The following NPHP3 variants were observed in gnomAD, a reference collection of about 807,000 sequenced individuals.
The protein encoded by NPHP3 is nephrocystin-3.
Under a neutral mutation model 171.9 loss-of-function variants are expected in NPHP3, and 123 were observed. That is an observed-to-expected ratio of 0.72 (90% CI 0.62 to 0.83). The LOEUF is 0.83. Ranked by LOEUF, NPHP3 falls within the 40% of genes least tolerant of loss-of-function variation. The probability of loss-of-function intolerance (pLI) is 0.00; values close to 1 mark genes in which losing one functional copy is unlikely to be tolerated. For missense variants in NPHP3, 1,506 were observed against 1,591.9 expected (o/e 0.95, Z 0.92); for synonymous variants, 558 against 579.2 (o/e 0.96, Z 0.52).
At chr3:132,702,393 T>C (rs186830226) in intron 9 of NPHP3, among the ~76,000 whole-genome samples, 4 of 152,362 alleles carry the variant, frequency 2.6e-5, no homozygotes, top group Admixed American at 6.5e-5. Flanking sequence ...TGAGATCTTT[T>C]TGAAACTAAG....
chr3:132,719,395 T>C (rs1940141927), intron 2 of NPHP3, among the ~76,000 whole-genome samples: 1 of 152,170 alleles, frequency 6.6e-6, no homozygotes, highest in South Asian at 2.1e-4. Context: ...GAAATTTGTC[T>C]CTCTCCCACT....
chr3:132,689,194 TTC>T lies in NPHP3; in HGVS notation c.2761_2762del (p.Glu921IlefsTer9). 1 of 1,614,190 alleles carries T rather than the reference TTC, an allele frequency of 6.2e-7. No homozygotes were observed. Among genetic ancestry groups the T allele is most frequent in the Non-Finnish European group, 8.5e-7 (1 of 1,180,006 alleles). ...CATACTGCTTCAATGAATCGAAGTA[TTC>T]TGTTGCCATTGCACTTTTGTCTTTG... ...VGKDKSAMAT[E>X]YFDSLKQYEK... On this transcript the variant is annotated frameshift_variant, in exon 20 of 27. Coordinates refer to ENST00000337331, the MANE Select transcript of NPHP3 (RefSeq NM_153240.5). LOFTEE classifies it high-confidence loss of function.
At chr3:132,694,555 G>A (rs1372433668) in intron 16 of NPHP3, among the ~76,000 whole-genome samples, 3 of 151,952 alleles carry the variant, frequency 2.0e-5, no homozygotes, top group Non-Finnish European at 2.9e-5. Context: ...CCTACAGATC[G>A]ATAAGGAAAA....
At chr3:132,696,026 G>A (rs896516434) in intron 15 of NPHP3, among the ~76,000 whole-genome samples, 10 of 152,088 alleles carry the variant, frequency 6.6e-5, no homozygotes, top group Non-Finnish European at 1.5e-4. Flanking sequence ...TGAGAACATG[G>A]AATAAAGAGA....
Position 132,683,388 on chromosome 3 carries a change from T to C in NPHP3, c.3696+11A>G. The C allele has an allele frequency of 6.2e-7, 1 of 1,611,676 alleles. No individual in the cohort carries two copies. The highest frequency in any genetic ancestry group is 8.5e-7 in the Non-Finnish European group (1 of 1,178,148). On this transcript the variant is annotated intron_variant, in intron 25 of 26. Transcript: ENST00000337331. ...CATTCACTGATACAACGTTAAAATA[T>C]GGGAACTTACCATTTGGCTATAAAG...
chr3:132,699,426 G>A lies in NPHP3; in HGVS notation c.1912C>T (p.Leu638=). ...VQQVEKHMKW[L]IDPLPVNVRV... ...ACATTCACTGGCAGTGGATCTATCA[G>A]CCATTTCATGTGTTTTTCAACTTGC... Residue 638 remains leucine (L), a synonymous_variant, in exon 13 of 27, where the codon CTG becomes TTG. Coordinates refer to ENST00000337331, the MANE Select transcript of NPHP3 (RefSeq NM_153240.5). The A allele has an allele frequency of 6.2e-7, 1 of 1,610,740 alleles. No homozygotes were observed. Among genetic ancestry groups the A allele is most frequent in the Non-Finnish European group, 8.5e-7 (1 of 1,179,124 alleles).
intron 15 of NPHP3, among the ~76,000 whole-genome samples, chr3:132,695,909 G>A (rs1036202938): frequency 7.2e-5 from 11 of 152,130 alleles, no homozygotes; most frequent in African/African-American, 2.2e-4. Context: ...TCTCCAGCCT[G>A]GGCAACAGAG....
chr3:132,717,610 G>A (rs527504600), intron 3 of NPHP3, among the ~76,000 whole-genome samples: 2 of 152,036 alleles, frequency 1.3e-5, no homozygotes, highest in Non-Finnish European at 2.9e-5. Context: ...GACCTAGAAA[G>A]GAATTTGTTT....
intron 1 of NPHP3, among the ~76,000 whole-genome samples, chr3:132,720,671 C>T (rs555371001): frequency 6.6e-6 from 1 of 152,228 alleles, no homozygotes; most frequent in South Asian, 2.1e-4. Flanking sequence ...ACAACAACAA[C>T]AACAACAACA....
Position 132,708,193 on chromosome 3 carries a change from A to C in NPHP3, c.1183T>G (p.Phe395Val), listed in dbSNP as rs764000635. 2.4e-5 allele frequency: 38 copies of C among 1,613,866 alleles called. No individual in the cohort carries two copies. In the African/African-American group the frequency reaches 4.3e-4, roughly 18 times the overall value. Residue 395 changes from phenylalanine (F) to valine (V), a missense_variant, in exon 7 of 27, where the codon TTT becomes GTT. Physicochemically the swap from Phe to Val is conservative, Grantham distance 50 (BLOSUM62 -1). Transcript: ENST00000337331. ...ACTTTTCCATCTTCCAAACGATGAA[A>C]GATTAATCGAGGTTTTCCTTCAGGG... ...KNPEGKPRLI[F>V]HRLEDGKVSS...
intron 18 of NPHP3, 30 bp downstream of exon 18, chr3:132,691,162 A>G (rs540932345): frequency 3.6e-5 from 54 of 1,493,000 alleles, no homozygotes; most frequent in Non-Finnish European, 5.0e-5. Context: ...TGCAGAAGTT[A>G]CAGAAGAACA....
At chr3:132,700,708 A>T (rs900844395) in intron 10 of NPHP3, among the ~76,000 whole-genome samples, 1 of 152,200 alleles carries the variant, frequency 6.6e-6, no homozygotes, top group African/African-American at 2.4e-5. Flanking sequence ...ATATGAGGGT[A>T]AGGTATTAGT....
chr3:132,697,345 T>C lies in NPHP3; in HGVS notation c.2003A>G (p.His668Arg), dbSNP rs1317512030. 5 of 1,610,364 alleles carry C rather than the reference T, an allele frequency of 3.1e-6. No homozygotes were observed. Among genetic ancestry groups the C allele is most frequent in the African/African-American group, 1.3e-5 (1 of 74,864 alleles). Residue 668 changes from histidine (H) to arginine (R), a missense_variant, in exon 14 of 27, where the codon CAT (histidine) becomes CGT (arginine). Physicochemically the swap from His to Arg is conservative, Grantham distance 29. This residue lies in a region of NPHP3 where 930 missense variants were observed against 924.9 expected (regional missense o/e 1.01). Transcript: ENST00000337331. ...PPAWRLWPTLHLDPLSPKDAK... is the reference protein window; with the variant it reads ...PPAWRLWPTLRLDPLSPKDAK... ...ATCTTTTGGACTTAAGGGATCAAGA[T>C]GAAGTGTAGGCCACAACCTTTTATG...
rs1939932355 is a variant in NPHP3, at chr3:132,712,330, AG to A, written c.1118+795del. Reference sequence around the variant, plus strand: ...TGTATCCAAAGAAAGAAAAGAATGAAGGTTAATGTTGATTATTGAAATTAGG... The same window carrying A: ...TGTATCCAAAGAAAGAAAAGAATGAAGTTAATGTTGATTATTGAAATTAGG... On this transcript the variant is annotated intron_variant, in intron 6 of 26. Coordinates refer to ENST00000337331, the MANE Select transcript of NPHP3 (RefSeq NM_153240.5). The A allele has an allele frequency of 1.5e-4, 64 of 428,960 alleles. 1 individual carries two copies. Among genetic ancestry groups the A allele is most frequent in the South Asian group, 1.0e-3 (62 of 59,726 alleles). The allele number at this position is 428,960 out of a possible 1,614,324, so 26.6% of individuals were successfully genotyped here. A position where few individuals can be genotyped will look rare whatever the true frequency, so the allele number is the denominator to read the frequency against.
chr3:132,688,525 C>T, intron 21 of NPHP3, 125 bp downstream of exon 21: 1 of 1,005,874 alleles, frequency 9.9e-7, no homozygotes, highest in South Asian at 1.3e-5. Flanking sequence ...CTCTGTTTAC[C>T]ACATGAAGAC....
chr3:132,716,396 T>C (rs1002684562), intron 4 of NPHP3, among the ~76,000 whole-genome samples: 2 of 152,218 alleles, frequency 1.3e-5, no homozygotes, highest in Non-Finnish European at 2.9e-5. Context: ...ATTATCTCCA[T>C]AACCTGCTCT....
chr3:132,682,397 C>T, intron 26 of NPHP3: 1 of 550,020 alleles, frequency 1.8e-6, no homozygotes, highest in Non-Finnish European at 3.2e-6. Flanking sequence ...CAAAAGTCAA[C>T]ATATACTTAA....
At chr3:132,691,421 T>A in intron 17 of NPHP3, 135 bp from the exon 18 acceptor site, 2 of 667,634 alleles carry the variant, frequency 3.0e-6, no homozygotes, top group African/African-American at 1.8e-5. Context: ...TAAATGTTTT[T>A]AAATTTAGGA....
chr3:132,687,281 C>T, intron 21 of NPHP3, 55 bp from the exon 22 acceptor site: 2 of 806,156 alleles, frequency 2.5e-6, no homozygotes, highest in Non-Finnish European at 4.2e-6. Context: ...AAGTATACTT[C>T]AGTGAAATGA....
Sources: allele counts gnomAD v4.1 joint callset (sites outside exome capture counted in the v4.1 genomes callset), GRCh38; gene constraint gnomAD v4.1.1; regional missense constraint gnomAD v4.1.1; transcripts MANE v1.5; gene names NCBI Gene and HGNC (gene_info 2026-07-23, HGNC 2026-07-21).